The following ZNF568 variants were observed in gnomAD, a reference collection of about 807,000 sequenced individuals.
ZNF568 encodes zinc finger protein 568.
ZNF568 carries 11 observed loss-of-function variants against 18.1 expected under a neutral mutation model. That is an observed-to-expected ratio of 0.61 (90% CI 0.38 to 1.00). The LOEUF (loss-of-function observed/expected upper bound fraction) is 1.00, where lower values mean the gene tolerates loss of function less well. ZNF568 is among the 50% of genes least tolerant of loss of function. ZNF568 has a pLI of 0.01. For synonymous variants in ZNF568, 213 were observed against 246.6 expected (o/e 0.86, Z 1.28); for missense variants, 639 against 768.2 (o/e 0.83, Z 1.99).
intron 1 of ZNF568, among the ~76,000 whole-genome samples, chr19:36,917,036 G>A (rs10416732): frequency 0.19 from 28,509 of 151,918 alleles, 3,268 homozygotes; most frequent in African/African-American, 0.31. Flanking sequence ...TTTTATGTAT[G>A]TTAGTTAGCT....
At chr19:36,994,981 T>C (rs1260575230) in intron 4 of ZNF568, among the ~76,000 whole-genome samples, 2 of 152,112 alleles carry the variant, frequency 1.3e-5, no homozygotes, top group Non-Finnish European at 2.9e-5. Context: ...GGTTACAATT[T>C]TTGTCTTAAA....
rs1568381577 is a variant in ZNF568 at position 36,927,895 on chromosome 19, ATATATATATTTTTTTTTTTTTTTTTTTT to A, written c.135+2639_135+2666del. 9.7e-4 allele frequency among the ~76,000 whole-genome samples: 25 copies of A among 25,762 alleles called. 1 individual carries two copies. Among genetic ancestry groups the A allele is most frequent in the African/African-American group, 5.9e-3 (25 of 4,214 alleles). 16.9% of individuals were successfully genotyped at this position (25,762 alleles called of 152,430 possible). On this transcript the variant is annotated intron_variant, in intron 4 of 6. Transcript: ENST00000333987. ...ATATATATATATATATATTATATAT[ATATATATATTTTTTTTTTTTTTTTTTTT>A]TTTTTTTTGGTGATGAAGTCTTGCT... is the stretch of plus-strand genomic sequence containing the variant.
intron 2 of ZNF568, among the ~76,000 whole-genome samples, chr19:36,921,779 A>G (rs960295060): frequency 4.6e-5 from 7 of 152,162 alleles, no homozygotes; most frequent in African/African-American, 1.4e-4. Flanking sequence ...CTAAATTGCA[A>G]TTCTCCCTTA....
chr19:36,980,474 T>G (rs1293809223), downstream of ZNF568, among the ~76,000 whole-genome samples: 1 of 152,166 alleles, frequency 6.6e-6, no homozygotes, highest in Non-Finnish European at 1.5e-5. Flanking sequence ...CCCTACAAGA[T>G]GCCGTCACTC....
intron 6 of ZNF568, among the ~76,000 whole-genome samples, chr19:36,942,679 C>T (rs189891920): frequency 7.9e-5 from 12 of 151,530 alleles, no homozygotes; most frequent in Admixed American, 2.6e-4. Context: ...CAACAGTTAC[C>T]GACATTTTCT....
chr19:36,962,286 T>TG (rs1183634346), intron 6 of ZNF568, among the ~76,000 whole-genome samples: 3 of 144,186 alleles, frequency 2.1e-5, no homozygotes, highest in Non-Finnish European at 4.5e-5. Flanking sequence ...TGTTTTTTTT[T>TG]TTTTTTTTTT....
At chr19:36,918,179 C>T (rs188312899) in intron 2 of ZNF568, among the ~76,000 whole-genome samples, 1 of 152,188 alleles carries the variant, frequency 6.6e-6, no homozygotes, top group East Asian at 1.9e-4. Context: ...CTCCTGACCT[C>T]GTGATTTGCC....
rs1454699051 is a variant in ZNF568, at chr19:36,951,123, T to A, written c.*35T>A. The A allele has an allele frequency of 6.8e-7, 1 of 1,476,094 alleles. No homozygotes were observed. Among genetic ancestry groups the A allele is most frequent in the Non-Finnish European group, 8.9e-7 (1 of 1,117,410 alleles). 91.4% of individuals were successfully genotyped at this position (1,476,094 alleles called of 1,614,324 possible). The stretch of plus-strand genomic sequence containing the variant: ...GGCCTCTTAAATTCAACCCATGTTT[T>A]ACTTAAAATATCTTGGCATAAGCTC... On this transcript the variant is annotated 3_prime_UTR_variant, in exon 7 of 7. Coordinates refer to ENST00000333987, the MANE Select transcript of ZNF568 (RefSeq NM_198539.4).
At chr19:36,948,658 A>ATTTTTTTTTTTTTGTTTTT (rs2074005159) in intron 6 of ZNF568, among the ~76,000 whole-genome samples, 1 of 83,576 alleles carries the variant, frequency 1.2e-5, no homozygotes, top group Non-Finnish European at 2.2e-5. Flanking sequence ...TTTGTTGTTG[A>ATTTTTTTTTTTTTGTTTTT]TTTTTTTTTT....
intron 6 of ZNF568, 127 bp downstream of exon 6, chr19:36,937,369 T>C (rs1429078642): frequency 4.7e-6 from 3 of 644,748 alleles, no homozygotes; most frequent in Middle Eastern, 5.2e-4. Flanking sequence ...ACAAATGGGA[T>C]GGAGTGCTTT....
At chr19:36,990,864 G>T (rs192563952) in intron 2 of ZNF568, among the ~76,000 whole-genome samples, 2 of 152,158 alleles carry the variant, frequency 1.3e-5, no homozygotes, top group African/African-American at 4.8e-5. Flanking sequence ...AGGGTGTTCC[G>T]TGTACTTGCA....
chr19:36,956,791 T>C (rs1458392393), downstream of ZNF568, among the ~76,000 whole-genome samples: 1 of 151,728 alleles, frequency 6.6e-6, no homozygotes, highest in Non-Finnish European at 1.5e-5. Flanking sequence ...AGAGATGGGG[T>C]TTCACTATGT....
intron 6 of ZNF568, among the ~76,000 whole-genome samples, chr19:36,945,956 G>C (rs770342670): frequency 4.6e-5 from 7 of 151,904 alleles, no homozygotes; most frequent in Non-Finnish European, 1.0e-4. Context: ...TTAGCCGGGC[G>C]TGGTGGTGTG....
chr19:36,949,848 G>T lies in ZNF568; in HGVS notation c.695G>T (p.Ser232Ile). 1 of 1,614,010 alleles carries T rather than the reference G, an allele frequency of 6.2e-7. No individual in the cohort carries two copies. Among genetic ancestry groups the T allele is most frequent in the South Asian group, 1.1e-5 (1 of 91,084 alleles). The part of the protein sequence containing the change: ...FKCNQCGQDF[S>I]HKFDLIRHER... ...TGTAATCAGTGTGGACAAGACTTCA[G>T]TCATAAATTTGACCTCATTAGACAT... The change falls in exon 7 of 7, where the codon AGT becomes ATT. Residue 232 changes from serine (S) to isoleucine (I), a missense_variant. By Grantham distance (142) the Ser-to-Ile change is moderately radical. Transcript: ENST00000333987.
chr19:36,988,934 A>G (rs1312520146), intron 2 of ZNF568, among the ~76,000 whole-genome samples: 2 of 152,150 alleles, frequency 1.3e-5, no homozygotes, highest in Non-Finnish European at 2.9e-5. Flanking sequence ...ACTGTGCAAT[A>G]GAGCACCAGA....
intron 2 of ZNF568, among the ~76,000 whole-genome samples, chr19:36,986,473 GTTT>G (rs2074377639): frequency 6.6e-6 from 1 of 152,120 alleles, no homozygotes; most frequent in South Asian, 2.1e-4. Context: ...TTTTGACATA[GTTT>G]TATCTGCTGA....
chr19:36,950,560 T>G lies in ZNF568; in HGVS notation c.1407T>G (p.Thr469=), dbSNP rs546589. 1 of 1,613,752 alleles carries G rather than the reference T, an allele frequency of 6.2e-7. No individual in the cohort carries two copies. The highest frequency in any genetic ancestry group is 2.2e-5 in the East Asian group (1 of 44,820). Residue 469 remains threonine, a synonymous_variant, in exon 7 of 7, where the codon ACT becomes ACG. Coordinates refer to ENST00000333987, the MANE Select transcript of ZNF568 (RefSeq NM_198539.4). The stretch of plus-strand genomic sequence containing the variant: ...TCATTACACATCAGAAAATTCACAC[T>G]GGAGAGAAACCTTATGAATGCAGTG... The part of the protein sequence containing the change: ...ENLITHQKIH[T]GEKPYECSEC...
At position 36,951,092 on chromosome 19, in the gene ZNF568, A is replaced by T; in HGVS notation, c.*4A>T. The T allele has an allele frequency of 6.7e-7, 1 of 1,501,948 alleles. No homozygotes were observed. 93.0% of individuals were successfully genotyped at this position (1,501,948 alleles called of 1,614,324 possible). On this transcript the variant is annotated 3_prime_UTR_variant, in exon 7 of 7. Transcript: ENST00000333987. ...TGAGAGACACCAAGTATATTAAATG[A>T]AAGAAGGCCTCTTAAATTCAACCCA... is the stretch of plus-strand genomic sequence containing the variant.
intron 4 of ZNF568, among the ~76,000 whole-genome samples, chr19:36,933,899 G>C (rs1311148): frequency 4.7e-5 from 1 of 21,480 alleles, no homozygotes; most frequent in Non-Finnish European, 9.4e-5. Flanking sequence ...TTTTGGGTAG[G>C]TTTTTTTTTT....
Sources: allele counts gnomAD v4.1 joint callset (sites outside exome capture counted in the v4.1 genomes callset), GRCh38; gene constraint gnomAD v4.1.1; transcripts MANE v1.5; gene names NCBI Gene and HGNC (gene_info 2026-07-23, HGNC 2026-07-21).